SRGAP1: variants seen among roughly 807,000 people sequenced by gnomAD.
SRGAP1 encodes the protein SLIT-ROBO Rho GTPase activating protein 1, also known as SLIT-ROBO Rho GTPase-activating protein 1.
In SRGAP1, 43 loss-of-function variants were observed where a neutral mutation model predicts 121.9. The observed-to-expected ratio is 0.35, with a 90% CI of 0.28 to 0.46. SRGAP1 has a LOEUF of 0.46. Ranked by LOEUF, SRGAP1 falls within the 20% of genes least tolerant of loss-of-function variation. The pLI is 1.00. For synonymous variants in SRGAP1, 447 were observed against 485.4 expected, an observed-to-expected ratio of 0.92 and a Z score of 1.04; for missense variants, 1,102 against 1,350.9, an observed-to-expected ratio of 0.82 and a Z score of 2.89.
chr12:63,910,743 T>C (rs1452321296), intron 1 of SRGAP1, among the ~76,000 whole-genome samples: 2 of 152,222 alleles, frequency 1.3e-5, no homozygotes, highest in African/African-American at 4.8e-5. Flanking sequence ...TAATATTTTC[T>C]CTTGTGCTTT....
chr12:64,004,524 C>T (rs1436523087), intron 3 of SRGAP1, among the ~76,000 whole-genome samples: 1 of 152,074 alleles, frequency 6.6e-6, no homozygotes, highest in Non-Finnish European at 1.5e-5. Flanking sequence ...GGGCCCGCCA[C>T]CACGCCCAGC....
At chr12:64,016,626 T>C (rs939747872) in intron 3 of SRGAP1, among the ~76,000 whole-genome samples, 1 of 152,258 alleles carries the variant, frequency 6.6e-6, no homozygotes. Context: ...ATCTAGTTCA[T>C]CTTTAATGGT....
At chr12:63,904,241 A>G (rs182427435) in intron 1 of SRGAP1, among the ~76,000 whole-genome samples, 9 of 152,274 alleles carry the variant, frequency 5.9e-5, no homozygotes, top group Admixed American at 3.9e-4. Context: ...TCTAAAGACT[A>G]TATTTCCCAT....
chr12:64,109,575 A>G (rs2036399374), intron 16 of SRGAP1, among the ~76,000 whole-genome samples: 2 of 152,204 alleles, frequency 1.3e-5, no homozygotes, highest in Admixed American at 6.5e-5. Flanking sequence ...CATTATTTTC[A>G]AAGAACTTTA....
chr12:63,910,703 G>T (rs1374714315), intron 1 of SRGAP1, among the ~76,000 whole-genome samples: 1 of 152,166 alleles, frequency 6.6e-6, no homozygotes, highest in Admixed American at 6.5e-5. Flanking sequence ...GGAGTAGAGA[G>T]GTTTGTTGCT....
chr12:64,054,800 A>G (rs2035308278), intron 6 of SRGAP1, among the ~76,000 whole-genome samples: 1 of 151,712 alleles, frequency 6.6e-6, no homozygotes, highest in Non-Finnish European at 1.5e-5. Flanking sequence ...GGTTAGTTAC[A>G]TATGTATACA....
chr12:63,963,543 A>G (rs769800153), intron 1 of SRGAP1, among the ~76,000 whole-genome samples: 1 of 152,188 alleles, frequency 6.6e-6, no homozygotes, highest in African/African-American at 2.4e-5. Context: ...TCGTGTTGGG[A>G]ACATTCAGAA....
chr12:64,049,973 G>A (rs573011938), intron 6 of SRGAP1, among the ~76,000 whole-genome samples: 3 of 152,252 alleles, frequency 2.0e-5, no homozygotes, highest in South Asian at 4.1e-4. Flanking sequence ...TCTGTAGACC[G>A]CTTTGGGAAG....
intron 3 of SRGAP1, among the ~76,000 whole-genome samples, chr12:63,997,932 A>G (rs947956731): frequency 6.6e-6 from 1 of 152,236 alleles, no homozygotes; most frequent in East Asian, 1.9e-4. Context: ...GACCAATCGA[A>G]TACATAAATA....
intron 4 of SRGAP1, among the ~76,000 whole-genome samples, chr12:64,033,473 T>A (rs1019864438): frequency 8.5e-5 from 13 of 152,098 alleles, no homozygotes; most frequent in African/African-American, 3.1e-4. Context: ...TCCCAGCACT[T>A]TGGGAGGCTG....
intron 18 of SRGAP1, among the ~76,000 whole-genome samples, chr12:64,119,796 G>GTTTTTTTTTTTTTTT (rs2036577456): frequency 9.2e-6 from 1 of 108,266 alleles, no homozygotes; most frequent in Non-Finnish European, 1.9e-5. Context: ...TTTTGGCAGA[G>GTTTTTTTTTTTTTTT]TTTTGCTTTT....
At chr12:64,086,630 A>G (rs1177663468) in intron 10 of SRGAP1, among the ~76,000 whole-genome samples, 1 of 152,008 alleles carries the variant, frequency 6.6e-6, no homozygotes, top group Non-Finnish European at 1.5e-5. Context: ...AAACAGAGAG[A>G]ATAACTAACA....
intron 1 of SRGAP1, among the ~76,000 whole-genome samples, chr12:63,912,121 T>C (rs961411889): frequency 6.6e-6 from 1 of 152,168 alleles, no homozygotes; most frequent in Non-Finnish European, 1.5e-5. Flanking sequence ...CTTTTATTTT[T>C]AATGATACTA....
At position 64,073,854 on chromosome 12, in the gene SRGAP1, G is replaced by A. The variant is rs913939719; in HGVS notation, c.1126-5065G>A. Among the ~76,000 whole-genome samples the A allele has an allele frequency of 9.4e-5, 14 of 148,518 alleles. 1 individual carries two copies. In the Middle Eastern group the frequency reaches 0.017, roughly 185 times the overall value. ...GTTCATGATTCTTTTTGCGTTTTTT[G>A]GTTGTTCAGATGGATTTTGTGTTTT... On this transcript the variant is annotated intron_variant, in intron 8 of 21. Coordinates refer to ENST00000355086, the MANE Select transcript of SRGAP1 (RefSeq NM_020762.4).
intron 1 of SRGAP1, among the ~76,000 whole-genome samples, chr12:63,937,928 G>A (rs1000230975): frequency 1.3e-5 from 2 of 152,206 alleles, no homozygotes; most frequent in Admixed American, 6.5e-5. Context: ...CCCGTGGCAC[G>A]GTTGGCCTGG....
Position 64,144,256 on chromosome 12 carries a change from G to GTTGTTGTTGTTGTTGTT in SRGAP1, c.*1584_*1585insTTGTTGTTGTTGTTGTT, listed in dbSNP as rs1295637433. The GTTGTTGTTGTTGTTGTT allele has an allele frequency of 3.4e-5, 3 of 87,260 alleles. No individual in the cohort carries two copies. Among genetic ancestry groups the GTTGTTGTTGTTGTTGTT allele is most frequent in the African/African-American group, 1.4e-4 (3 of 21,736 alleles). The allele number at this position is 87,260 out of a possible 1,614,324, so 5.4% of individuals were successfully genotyped here. Reference sequence around the variant, plus strand: ...TTTTTGTTGTTGTTGTTGTTGTTGGGAGAAATGGATTTCCCACAACTAATC... The same window carrying GTTGTTGTTGTTGTTGTT: ...TTTTTGTTGTTGTTGTTGTTGTTGGGTTGTTGTTGTTGTTGTTAGAAATGGATTTCCCACAACTAATC... On this transcript the variant is annotated 3_prime_UTR_variant, in exon 22 of 22. Coordinates refer to ENST00000355086, the MANE Select transcript of SRGAP1 (RefSeq NM_020762.4).
chr12:64,121,277 G>A (rs1213891928), intron 18 of SRGAP1, among the ~76,000 whole-genome samples: 2 of 152,082 alleles, frequency 1.3e-5, no homozygotes, highest in Non-Finnish European at 1.5e-5. Flanking sequence ...AAAGTGCTGG[G>A]ATTAGAGGCA....
chr12:64,048,692 A>G (rs2035180949), intron 6 of SRGAP1, among the ~76,000 whole-genome samples: 1 of 152,072 alleles, frequency 6.6e-6, no homozygotes, highest in Non-Finnish European at 1.5e-5. Context: ...GATAAAAGCC[A>G]TTTTAACTGG....
chr12:64,123,643 GATTTATTTATTTATTTATTTATTT>G (rs140354888), intron 18 of SRGAP1, among the ~76,000 whole-genome samples: 1 of 141,266 alleles, frequency 7.1e-6, no homozygotes, highest in Middle Eastern at 3.5e-3. Context: ...ATTGCTAAAG[GATTTATTTATTTATTTATTTATTT>G]ATTTATTTAT....
Sources: allele counts gnomAD v4.1 joint callset (sites outside exome capture counted in the v4.1 genomes callset), GRCh38; gene constraint gnomAD v4.1.1; transcripts MANE v1.5; gene names NCBI Gene and HGNC (gene_info 2026-07-23, HGNC 2026-07-21).